Variants in SHISA9 observed in about 807,000 individuals in gnomAD.
The protein encoded by SHISA9 is shisa family member 9, also known as protein shisa-9.
A neutral mutation model predicts 38.0 loss-of-function variants in SHISA9; 13 were observed. The observed-to-expected ratio is 0.34, with a 90% CI of 0.22 to 0.54. The LOEUF is 0.54. SHISA9 is among the 20% of genes least tolerant of loss of function. SHISA9 has a pLI of 0.91. For missense variants in SHISA9, 538 were observed against 575.8 expected, an observed-to-expected ratio of 0.93 and a Z score of 0.67; for synonymous variants, 275 against 242.0, an observed-to-expected ratio of 1.14 and a Z score of -1.27.
intron 2 of SHISA9, among the ~76,000 whole-genome samples, chr16:13,118,850 C>T (rs1306598968): frequency 6.6e-6 from 1 of 151,822 alleles, no homozygotes; most frequent in Non-Finnish European, 1.5e-5. Flanking sequence ...CTTCCTCAGC[C>T]TCCAGAGTAG....
In SHISA9 at chr16:13,240,407, T is replaced by A. The variant is rs1272881955; in HGVS notation, c.*4998T>A. 6.6e-6 allele frequency: 1 copy of A among 152,200 alleles called. No individual in the cohort carries two copies. The highest frequency in any genetic ancestry group is 1.5e-5 in the Non-Finnish European group (1 of 68,034). The allele number at this position is 152,200 out of a possible 1,614,324, so 9.4% of individuals were successfully genotyped here. ...ATTTCTTACCTGGCAATAAAACTGA[T>A]TATATGTGAGGCTGTTGGGATTGTC... On this transcript the variant is annotated 3_prime_UTR_variant, in exon 5 of 5. Transcript: ENST00000558583.
intron 2 of SHISA9, among the ~76,000 whole-genome samples, chr16:13,180,276 A>G (rs1289388832): frequency 6.6e-6 from 1 of 152,204 alleles, no homozygotes; most frequent in African/African-American, 2.4e-5. Context: ...CTGTTGAGAG[A>G]TATTTGCTGT....
At chr16:12,951,352 C>T (rs1385185329) in intron 2 of SHISA9, among the ~76,000 whole-genome samples, 3 of 151,058 alleles carry the variant, frequency 2.0e-5, no homozygotes, top group Admixed American at 1.3e-4. Flanking sequence ...GGGTAGAAGT[C>T]GACACACTTT....
intron 2 of SHISA9, among the ~76,000 whole-genome samples, chr16:13,167,660 T>C (rs2050649669): frequency 6.6e-6 from 1 of 152,160 alleles, no homozygotes; most frequent in Admixed American, 6.5e-5. Flanking sequence ...TTTAAAAGCA[T>C]GTAGCACCTT....
At chr16:13,448,401 C>G in the SHISA9 span, among the ~76,000 whole-genome samples, 1 of 152,184 alleles carries the variant, frequency 6.6e-6, no homozygotes, top group African/African-American at 2.4e-5. Flanking sequence ...GTGCCCTACG[C>G]TATAATAATC....
chr16:13,515,974 C>T, the SHISA9 span, among the ~76,000 whole-genome samples: 3 of 152,214 alleles, frequency 2.0e-5, no homozygotes, highest in Non-Finnish European at 4.4e-5. Context: ...AGATTAGATA[C>T]ACAACACCTT....
the SHISA9 span, among the ~76,000 whole-genome samples, chr16:13,338,209 G>GATGTC: frequency 6.6e-6 from 1 of 152,140 alleles, no homozygotes; most frequent in African/African-American, 2.4e-5. Context: ...GAGTCCTGGT[G>GATGTC]ATGTCATTTG....
the SHISA9 span, among the ~76,000 whole-genome samples, chr16:13,270,991 T>C: frequency 6.6e-6 from 1 of 152,096 alleles, no homozygotes. Flanking sequence ...GTAGATCAAG[T>C]GGTACCATTT....
At chr16:13,444,047 C>G in the SHISA9 span, among the ~76,000 whole-genome samples, 2 of 151,922 alleles carry the variant, frequency 1.3e-5, no homozygotes, top group Non-Finnish European at 2.9e-5. Context: ...TCACCCCTCC[C>G]CTTCACCAAG....
the SHISA9 span, among the ~76,000 whole-genome samples, chr16:13,467,480 GC>G: frequency 1.3e-5 from 2 of 152,142 alleles, no homozygotes; most frequent in Non-Finnish European, 2.9e-5. Flanking sequence ...TGGTTTTGAG[GC>G]TTCAGGGCTT....
At chr16:13,214,118 A>G (rs773355588) in intron 4 of SHISA9, among the ~76,000 whole-genome samples, 1 of 152,200 alleles carries the variant, frequency 6.6e-6, no homozygotes, top group Non-Finnish European at 1.5e-5. Context: ...TTTAGAATAG[A>G]CCAGAAACAC....
the SHISA9 span, among the ~76,000 whole-genome samples, chr16:13,539,254 C>G: frequency 6.7e-6 from 1 of 148,242 alleles, no homozygotes; most frequent in Non-Finnish European, 1.5e-5. Flanking sequence ...CTCAGCCTCC[C>G]AAGTAGCTGG....
intron 2 of SHISA9, among the ~76,000 whole-genome samples, chr16:13,052,417 C>G (rs188135632): frequency 4.8e-4 from 73 of 152,300 alleles, no homozygotes; most frequent in African/African-American, 1.8e-3. Context: ...GGCCAAGAAG[C>G]CCACTGTCTT....
At chr16:13,233,799 C>T (rs893660627) in intron 4 of SHISA9, among the ~76,000 whole-genome samples, 9 of 152,024 alleles carry the variant, frequency 5.9e-5, no homozygotes, top group Non-Finnish European at 1.0e-4. Flanking sequence ...TTGCTTGAGC[C>T]CCGGAGTTCA....
At position 13,202,534 on chromosome 16, in the gene SHISA9, C is replaced by T. The variant is rs544422328; in HGVS notation, c.692-860C>T. The stretch of plus-strand genomic sequence containing the variant: ...TATACACATAGGTTATATTACTTAA[C>T]AAAAAATGCTATACTATTTGCTTTC... On this transcript the variant is annotated intron_variant, in intron 2 of 4. Transcript: ENST00000558583. 3.7e-5 allele frequency among the ~76,000 whole-genome samples: 5 copies of T among 136,646 alleles called. 1 individual carries two copies. The highest frequency in any genetic ancestry group is 8.6e-5 in the African/African-American group (3 of 35,008). The allele number at this position is 136,646 out of a possible 152,430, so 89.6% of individuals were successfully genotyped here.
At chr16:13,518,883 TGGAAG>T in the SHISA9 span, among the ~76,000 whole-genome samples, 1 of 151,292 alleles carries the variant, frequency 6.6e-6, no homozygotes, top group Non-Finnish European at 1.5e-5. Flanking sequence ...TGGTGGGAGG[TGGAAG>T]GGTAAGAGAG....
chr16:13,009,102 T>A (rs906530959), intron 2 of SHISA9, among the ~76,000 whole-genome samples: 10 of 151,904 alleles, frequency 6.6e-5, no homozygotes, highest in African/African-American at 2.4e-4. Context: ...GTGTGTATTT[T>A]TTTTTTTTTG....
chr16:13,316,765 C>A, the SHISA9 span, among the ~76,000 whole-genome samples: 3,358 of 152,270 alleles, frequency 0.022, 50 homozygotes, highest in Middle Eastern at 0.041. Flanking sequence ...ATTTGATCCT[C>A]CCATTGACTC....
chr16:13,312,301 C>T, the SHISA9 span, among the ~76,000 whole-genome samples: 1 of 152,170 alleles, frequency 6.6e-6, no homozygotes, highest in Non-Finnish European at 1.5e-5. Flanking sequence ...AGATGTGGCC[C>T]ATGGACAGTA....
Sources: allele counts gnomAD v4.1 joint callset (sites outside exome capture counted in the v4.1 genomes callset), GRCh38; gene constraint gnomAD v4.1.1; transcripts MANE v1.5; gene names NCBI Gene and HGNC (gene_info 2026-07-23, HGNC 2026-07-21).